The following CDH23 variants were observed in gnomAD, a reference collection of about 807,000 sequenced individuals.
CDH23 encodes the protein cadherin-23.
A neutral mutation model predicts 317.1 loss-of-function variants in CDH23; 189 were observed. The ratio of observed to expected loss-of-function variants is 0.60; its 90% CI spans 0.53 to 0.67. CDH23 has a LOEUF of 0.67. Ranked by LOEUF, CDH23 falls within the 30% of genes least tolerant of loss-of-function variation. CDH23 has a pLI of 0.00. For synonymous variants in CDH23, 1,839 were observed against 1,876.8 expected (o/e 0.98, Z 0.52); for missense variants, 4,401 against 4,592.4 (o/e 0.96, Z 1.20).
intron 34 of CDH23, among the ~76,000 whole-genome samples, chr10:71,737,009 T>TCACC (rs1387671839): frequency 6.6e-6 from 1 of 152,104 alleles, no homozygotes; most frequent in Non-Finnish European, 1.5e-5. Context: ...AGCCCTGTGG[T>TCACC]GTGAGGAAAC....
At chr10:71,521,636 G>T (rs1474206996) in intron 6 of CDH23, among the ~76,000 whole-genome samples, 1 of 152,168 alleles carries the variant, frequency 6.6e-6, no homozygotes, top group African/African-American at 2.4e-5. Context: ...ACCATCCCGT[G>T]GGAGAGGGTA....
At chr10:71,547,389 C>T (rs1856340378) in intron 6 of CDH23, among the ~76,000 whole-genome samples, 1 of 152,166 alleles carries the variant, frequency 6.6e-6, no homozygotes, top group South Asian at 2.1e-4. Flanking sequence ...AAGTGCAAGG[C>T]CAGAGGGCTG....
intron 3 of CDH23, among the ~76,000 whole-genome samples, chr10:71,456,171 G>C (rs1850685071): frequency 6.6e-6 from 1 of 150,868 alleles, no homozygotes; most frequent in South Asian, 2.1e-4. Flanking sequence ...TGGGGCTGTT[G>C]GCAAGTGGGC....
At chr10:71,678,683 C>T (rs991520439) in intron 16 of CDH23, among the ~76,000 whole-genome samples, 2 of 152,182 alleles carry the variant, frequency 1.3e-5, no homozygotes, top group Non-Finnish European at 2.9e-5. Context: ...TGGTGGGGAC[C>T]ACTGGAGGCT....
At chr10:71,454,103 GT>G (rs1288900042) in intron 3 of CDH23, among the ~76,000 whole-genome samples, 2 of 152,200 alleles carry the variant, frequency 1.3e-5, no homozygotes, top group Admixed American at 6.5e-5. Context: ...TGGACTTGTA[GT>G]TTGAGAGCCA....
intron 1 of CDH23, among the ~76,000 whole-genome samples, chr10:71,411,834 A>G (rs967906187): frequency 1.3e-5 from 2 of 152,168 alleles, no homozygotes; most frequent in Non-Finnish European, 2.9e-5. Flanking sequence ...TACCTTTTAA[A>G]CCCTTTTTCA....
chr10:71,510,930 C>T (rs779994321), intron 4 of CDH23, 24 bp from the exon 5 acceptor site: 2 of 1,613,772 alleles, frequency 1.2e-6, no homozygotes, highest in South Asian at 2.2e-5. Flanking sequence ...AACTGCCCCC[C>T]TCCCTCTCTC....
chr10:71,425,411 G>GGAAA (rs1233355223), intron 1 of CDH23, among the ~76,000 whole-genome samples: 1 of 147,844 alleles, frequency 6.8e-6, no homozygotes, highest in African/African-American at 2.4e-5. Context: ...AAGGAAGGAA[G>GGAAA]GAGGGAAGGA....
At chr10:71,633,400 C>T (rs569649558) in intron 11 of CDH23, among the ~76,000 whole-genome samples, 58 of 152,212 alleles carry the variant, frequency 3.8e-4, no homozygotes, top group African/African-American at 1.2e-3. Context: ...AGCAACTATG[C>T]GGCCAATACA....
At chr10:71,633,370 C>A (rs1862108501) in intron 11 of CDH23, among the ~76,000 whole-genome samples, 1 of 152,144 alleles carries the variant, frequency 6.6e-6, no homozygotes, top group South Asian at 2.1e-4. Context: ...ATGCCTTTAT[C>A]CCTTCGTCCA....
At chr10:71,546,319 C>A (rs964527115) in intron 6 of CDH23, among the ~76,000 whole-genome samples, 4 of 152,142 alleles carry the variant, frequency 2.6e-5, no homozygotes, top group Non-Finnish European at 5.9e-5. Flanking sequence ...TTTGCTCGTG[C>A]GGAAAAATGG....
intron 17 of CDH23, 133 bp from the exon 18 acceptor site, chr10:71,682,312 A>T: frequency 8.7e-7 from 1 of 1,152,404 alleles, no homozygotes; most frequent in Non-Finnish European, 1.2e-6. Context: ...TTGAGGCTCC[A>T]GGTGTTCAGA....
At chr10:71,641,950 G>A (rs1355551234) in intron 11 of CDH23, among the ~76,000 whole-genome samples, 1 of 152,090 alleles carries the variant, frequency 6.6e-6, no homozygotes, top group Non-Finnish European at 1.5e-5. Flanking sequence ...ACAAAAATTA[G>A]CCGGGCATGG....
chr10:71,566,989 G>A (rs1431642806), intron 7 of CDH23, 53 bp downstream of exon 7: 1 of 1,557,552 alleles, frequency 6.4e-7, no homozygotes, highest in Non-Finnish European at 8.8e-7. Context: ...TCCCACCCTG[G>A]AAGAGAGTGA....
chr10:71,735,554 C>A (rs1839539911), intron 34 of CDH23, among the ~76,000 whole-genome samples: 1 of 152,194 alleles, frequency 6.6e-6, no homozygotes, highest in Non-Finnish European at 1.5e-5. Flanking sequence ...ACATCAGCTA[C>A]CATCTAGAGA....
At chr10:71,414,074 T>TGTGA (rs1589276299) in intron 1 of CDH23, among the ~76,000 whole-genome samples, 1 of 152,010 alleles carries the variant, frequency 6.6e-6, no homozygotes, top group East Asian at 1.9e-4. Context: ...TGTGTGTGTG[T>TGTGA]GTGTGTGTGT....
intron 3 of CDH23, among the ~76,000 whole-genome samples, chr10:71,506,938 C>G (rs1182056242): frequency 1.3e-5 from 2 of 152,186 alleles, no homozygotes; most frequent in Non-Finnish European, 2.9e-5. Context: ...GGGTGGGTGA[C>G]AGCAGCTGAT....
intron 3 of CDH23, among the ~76,000 whole-genome samples, chr10:71,503,280 A>C (rs781316319): frequency 6.6e-6 from 1 of 152,102 alleles, no homozygotes; most frequent in Non-Finnish European, 1.5e-5. Flanking sequence ...CAGAGACTGG[A>C]CCCCCAGTCA....
chr10:71,574,686 G>T (rs867414088), intron 8 of CDH23, among the ~76,000 whole-genome samples: 10 of 152,282 alleles, frequency 6.6e-5, no homozygotes, highest in Admixed American at 3.3e-4. Context: ...GCCCAGCTGG[G>T]CTCCTGTGTC....
Sources: gnomAD v4.1 joint callset for allele counts (sites outside exome capture counted in the v4.1 genomes callset) on GRCh38, gnomAD v4.1.1 for gene constraint, MANE v1.5 for transcripts, NCBI Gene and HGNC (gene_info 2026-07-23, HGNC 2026-07-21) for gene names.